The following CDKL3 variants were observed in gnomAD, a reference collection of about 807,000 sequenced individuals.
The protein encoded by CDKL3 is cyclin-dependent kinase-like 3.
CDKL3 carries 65 observed loss-of-function variants against 69.3 expected under a neutral mutation model. The observed-to-expected ratio is 0.94, with a 90% confidence interval of 0.77 to 1.15. The LOEUF (loss-of-function observed/expected upper bound fraction) is 1.15, where lower values mean the gene tolerates loss of function less well. CDKL3 is among the 50% of genes most tolerant of loss of function. The pLI is 0.00. For missense variants in CDKL3, 652 were observed against 689.2 expected (o/e 0.95, Z 0.61); for synonymous variants, 202 against 221.6 (o/e 0.91, Z 0.79).
At chr5:134,369,004 G>A (rs1758039238), upstream of CDKL3, among the ~76,000 whole-genome samples, 1 of 152,170 alleles carries the variant, frequency 6.6e-6, no homozygotes, top group Non-Finnish European at 1.5e-5. Flanking sequence ...TCCAACCTGG[G>A]TGACAGAGCA....
rs531763699 is a variant in CDKL3, at chr5:134,324,006, A to G, written c.540-2103T>C. On this transcript the variant is annotated intron_variant, in intron 4 of 12. Coordinates refer to ENST00000265334, the MANE Select transcript of CDKL3 (RefSeq NM_001113575.2). ...CATAAAACTCTTAAAATTCAATAAG[A>G]AAATAACCCAATTAAAAAATGGGCA... Among the ~76,000 whole-genome samples the G allele has an allele frequency of 1.6e-4, 25 of 152,344 alleles. No homozygotes were observed. The East Asian group carries it at 4.8e-3, about 29-fold the overall frequency.
chr5:134,360,027 A>G lies in CDKL3; in HGVS notation c.230T>C (p.Leu77Ser). ...EVFRQKKKIH[L>S]VFEFIDHTVL... ...TGTGTGGTCAATAAATTCAAATACCAAATGAATTTTCTTTTTCTGTCTAAA... is the reference window on the plus strand; with the variant it reads ...TGTGTGGTCAATAAATTCAAATACCGAATGAATTTTCTTTTTCTGTCTAAA... The change falls in exon 3 of 13, where the codon TTG becomes TCG. Residue 77 changes from leucine to serine, a missense_variant. Transcript: ENST00000265334. 6.4e-7 allele frequency: 1 copy of G among 1,556,196 alleles called. No individual in the cohort carries two copies. Among genetic ancestry groups the G allele is most frequent in the Non-Finnish European group, 8.7e-7 (1 of 1,148,942 alleles).
At chr5:134,348,128 CTGGAATCCCAGCACTT>C (rs557937523) in intron 4 of CDKL3, among the ~76,000 whole-genome samples, 2 of 152,256 alleles carry the variant, frequency 1.3e-5, no homozygotes, top group African/African-American at 4.8e-5. Context: ...TGGCTCACAC[CTGGAATCCCAGCACTT>C]TGGGAGGCTG....
rs1183750984 is a variant in CDKL3, at chr5:134,319,507, G to GA, written c.653-11dup. The GA allele has an allele frequency of 5.3e-6, 8 of 1,511,658 alleles. No homozygotes were observed. The highest frequency in any genetic ancestry group is 1.3e-5 in the South Asian group (1 of 76,326). 93.6% of individuals were successfully genotyped at this position (1,511,658 alleles called of 1,614,324 possible). On this transcript the variant is annotated splice_polypyrimidine_tract_variant and intron_variant, in intron 5 of 12. Coordinates refer to ENST00000265334, the MANE Select transcript of CDKL3 (RefSeq NM_001113575.2). ...TGAGGTGACAAATTGCCTGAAAAGA[G>GA]AAAAAAATGTATATTTAAAAAACAG... is the stretch of plus-strand genomic sequence containing the variant.
At position 134,312,381 on chromosome 5, in the gene CDKL3, C is replaced by T; in HGVS notation, c.793-1G>A. On this transcript the variant is annotated splice_acceptor_variant, in intron 6 of 12. Coordinates refer to ENST00000265334, the MANE Select transcript of CDKL3 (RefSeq NM_001113575.2). LOFTEE classifies it high-confidence loss of function. ...CAGCAGGATCAATTTGTAAACAAGC[C>T]TAGGAAAGGAAAAAGATTTTAATAA... 6.4e-7 allele frequency: 1 copy of T among 1,563,968 alleles called. No individual in the cohort carries two copies. The highest frequency in any genetic ancestry group is 8.7e-7 in the Non-Finnish European group (1 of 1,154,814).
upstream of CDKL3, chr5:134,371,302 C>G: frequency 1.9e-6 from 1 of 538,610 alleles, no homozygotes. Context: ...ACAAATTTGT[C>G]TATTACTTCA....
At chr5:134,347,974 A>G (rs903892708) in intron 4 of CDKL3, among the ~76,000 whole-genome samples, 2 of 152,190 alleles carry the variant, frequency 1.3e-5, no homozygotes, top group African/African-American at 4.8e-5. Context: ...CTGTGAATAC[A>G]CTGTAAACCA....
In CDKL3 at chr5:134,298,622, A is replaced by AT; in HGVS notation, c.*28dup. 1 of 1,602,534 alleles carries AT rather than the reference A, an allele frequency of 6.2e-7. No individual in the cohort carries two copies. Among genetic ancestry groups the AT allele is most frequent in the Non-Finnish European group, 8.5e-7 (1 of 1,176,726 alleles). On this transcript the variant is annotated 3_prime_UTR_variant, in exon 13 of 13. Coordinates refer to ENST00000265334, the MANE Select transcript of CDKL3 (RefSeq NM_001113575.2). ...AAAACGGGAAGAGTTGTCATCTTGTATTTTTTGGACTATGTAAAAGAAAAG... is the reference window on the plus strand; with the variant it reads ...AAAACGGGAAGAGTTGTCATCTTGTATTTTTTTGGACTATGTAAAAGAAAAG...
At chr5:134,335,600 T>A (rs1458717043) in intron 4 of CDKL3, among the ~76,000 whole-genome samples, 1 of 152,160 alleles carries the variant, frequency 6.6e-6, no homozygotes, top group Non-Finnish European at 1.5e-5. Flanking sequence ...TGGCTGGATA[T>A]GAAATTCTGA....
chr5:134,330,368 TG>T (rs1775482039), intron 4 of CDKL3, among the ~76,000 whole-genome samples: 1 of 152,178 alleles, frequency 6.6e-6, no homozygotes, highest in Admixed American at 6.5e-5. Flanking sequence ...ATGGTCATGG[TG>T]GAGATGGACA....
chr5:134,314,992 A>G (rs1245494753), intron 6 of CDKL3, among the ~76,000 whole-genome samples: 1 of 152,138 alleles, frequency 6.6e-6, no homozygotes, highest in Non-Finnish European at 1.5e-5. Flanking sequence ...ACTGCCCACA[A>G]ATTATACCTC....
upstream of CDKL3, chr5:134,367,228 G>T (rs1311336354): frequency 4.1e-6 from 4 of 985,304 alleles, no homozygotes; most frequent in African/African-American, 7.0e-5. Flanking sequence ...GGGGAAGTGG[G>T]AAGAAACGGA....
chr5:134,310,486 G>A (rs541850031), intron 7 of CDKL3, among the ~76,000 whole-genome samples: 184 of 145,946 alleles, frequency 1.3e-3, no homozygotes, highest in Middle Eastern at 4.6e-3. Context: ...CACCAAGCCC[G>A]GCCTATTCTT....
At chr5:134,317,971 G>A (rs969544573) in intron 6 of CDKL3, among the ~76,000 whole-genome samples, 2 of 152,012 alleles carry the variant, frequency 1.3e-5, no homozygotes, top group Non-Finnish European at 2.9e-5. Context: ...TGTAATCCCA[G>A]CACTTTGGGA....
At chr5:134,345,124 G>A (rs1015566796) in intron 4 of CDKL3, among the ~76,000 whole-genome samples, 1 of 151,982 alleles carries the variant, frequency 6.6e-6, no homozygotes, top group Admixed American at 6.6e-5. Flanking sequence ...GATTGCTTAG[G>A]GTTAGGGAGG....
At chr5:134,306,961 G>A (rs900982748) in intron 9 of CDKL3, among the ~76,000 whole-genome samples, 1 of 151,918 alleles carries the variant, frequency 6.6e-6, no homozygotes, top group African/African-American at 2.4e-5. Context: ...TGCCATGTTG[G>A]CCAGGCTGGT....
At chr5:134,339,777 A>G (rs1220663328) in intron 4 of CDKL3, among the ~76,000 whole-genome samples, 1 of 152,206 alleles carries the variant, frequency 6.6e-6, no homozygotes, top group Admixed American at 6.6e-5. Flanking sequence ...AAATTTTGGA[A>G]ATTTACAAAT....
At chr5:134,371,557 T>C (rs774907514), upstream of CDKL3, 9 of 876,934 alleles carry the variant, frequency 1.0e-5, no homozygotes, top group Non-Finnish European at 1.3e-5. Context: ...TGCGCGGGAC[T>C]TTTTTTTTTT....
intron 6 of CDKL3, among the ~76,000 whole-genome samples, chr5:134,316,202 T>C (rs1206540148): frequency 6.6e-6 from 1 of 152,174 alleles, no homozygotes; most frequent in Non-Finnish European, 1.5e-5. Flanking sequence ...TCCTCCCACC[T>C]CAGTCTTCCA....
Sources: allele counts gnomAD v4.1 joint callset (sites outside exome capture counted in the v4.1 genomes callset), GRCh38; gene constraint gnomAD v4.1.1; transcripts MANE v1.5; gene names NCBI Gene and HGNC (gene_info 2026-07-23, HGNC 2026-07-21).